The following SLC44A5 variants were observed in gnomAD, a reference collection of about 807,000 sequenced individuals.
The protein encoded by SLC44A5 is choline transporter-like protein 5.
SLC44A5 carries 57 observed loss-of-function variants against 101.8 expected under a neutral mutation model. The observed-to-expected ratio is 0.56, with a 90% confidence interval of 0.45 to 0.70. The LOEUF (loss-of-function observed/expected upper bound fraction) is 0.70, where lower values mean the gene tolerates loss of function less well. Ranked by LOEUF, SLC44A5 falls within the 30% of genes least tolerant of loss-of-function variation. The pLI is 0.00. For missense variants in SLC44A5, 737 were observed against 853.1 expected (o/e 0.86, Z 1.70); for synonymous variants, 281 against 290.9 (o/e 0.97, Z 0.35).
At chr1:75,488,651 G>A (rs1262643547) in intron 2 of SLC44A5, among the ~76,000 whole-genome samples, 1 of 151,984 alleles carries the variant, frequency 6.6e-6, no homozygotes, top group Non-Finnish European at 1.5e-5. Context: ...TTAATGTGTT[G>A]GCAGTAACTA....
At chr1:75,222,310 G>C in intron 14 of SLC44A5, 51 bp downstream of exon 14, 1 of 1,344,222 alleles carries the variant, frequency 7.4e-7, no homozygotes, top group Non-Finnish European at 1.1e-6. Flanking sequence ...GACAGTGACT[G>C]ATTTTACTGA....
chr1:75,471,286 C>A (rs1347925537), intron 2 of SLC44A5, among the ~76,000 whole-genome samples: 2 of 151,932 alleles, frequency 1.3e-5, no homozygotes, highest in African/African-American at 2.4e-5. Flanking sequence ...GGGAATTTTC[C>A]TGCGAGATGG....
intron 3 of SLC44A5, among the ~76,000 whole-genome samples, chr1:75,369,096 C>G (rs894736993): frequency 5.3e-5 from 8 of 152,030 alleles, no homozygotes; most frequent in African/African-American, 1.7e-4. Context: ...TCACTGCAGC[C>G]TCCAATTCCT....
chr1:75,662,396 G>C, the SLC44A5 span, among the ~76,000 whole-genome samples: 1 of 151,926 alleles, frequency 6.6e-6, no homozygotes, highest in African/African-American at 2.4e-5. Context: ...TGGATAATAG[G>C]TACAAAAGTA....
At chr1:75,520,586 G>T (rs1218415185) in intron 2 of SLC44A5, among the ~76,000 whole-genome samples, 1 of 152,142 alleles carries the variant, frequency 6.6e-6, no homozygotes, top group East Asian at 1.9e-4. Context: ...GAGGGGAAAG[G>T]TGGGTAAGAA....
chr1:75,261,654 C>A (rs1263891218), intron 6 of SLC44A5, among the ~76,000 whole-genome samples: 11 of 152,080 alleles, frequency 7.2e-5, no homozygotes, highest in Admixed American at 7.2e-4. Flanking sequence ...AGGGAATCCT[C>A]CCTAAATCAT....
intron 4 of SLC44A5, among the ~76,000 whole-genome samples, chr1:75,317,800 G>T (rs1655808738): frequency 6.6e-6 from 1 of 152,058 alleles, no homozygotes; most frequent in African/African-American, 2.4e-5. Context: ...CTAGCTCTCT[G>T]GTTTCTTCTT....
At chr1:75,373,595 T>A (rs1660370284) in intron 3 of SLC44A5, among the ~76,000 whole-genome samples, 1 of 152,176 alleles carries the variant, frequency 6.6e-6, no homozygotes, top group South Asian at 2.1e-4. Flanking sequence ...TGAGTGACTG[T>A]AGCTCCTGCT....
chr1:75,571,965 G>T (rs1257826508), intron 1 of SLC44A5, among the ~76,000 whole-genome samples: 1 of 152,136 alleles, frequency 6.6e-6, no homozygotes, highest in Non-Finnish European at 1.5e-5. Context: ...AAAACTAAGT[G>T]CTAGAAGACA....
At chr1:75,237,976 C>A (rs184673543) in intron 10 of SLC44A5, among the ~76,000 whole-genome samples, 198 of 151,934 alleles carry the variant, frequency 1.3e-3, no homozygotes, top group African/African-American at 4.5e-3. Context: ...ATATATTTTC[C>A]AGTAACATGG....
At chr1:75,675,511 G>A in the SLC44A5 span, among the ~76,000 whole-genome samples, 12 of 151,968 alleles carry the variant, frequency 7.9e-5, no homozygotes, top group African/African-American at 2.9e-4. Flanking sequence ...GAAGCTTTTG[G>A]ACTGAGACGA....
intron 5 of SLC44A5, among the ~76,000 whole-genome samples, chr1:75,295,748 T>G (rs1653912338): frequency 1.3e-5 from 2 of 152,086 alleles, no homozygotes; most frequent in South Asian, 4.1e-4. Context: ...GACTATGAAA[T>G]GTACTAAATG....
At chr1:75,216,461 G>C (rs1646964054) in intron 18 of SLC44A5, among the ~76,000 whole-genome samples, 1 of 151,728 alleles carries the variant, frequency 6.6e-6, no homozygotes, top group African/African-American at 2.4e-5. Flanking sequence ...TGTATATCTA[G>C]ATATAGGATT....
chr1:75,659,433 G>GAGGGAGGGAAGGAAAGA, the SLC44A5 span, among the ~76,000 whole-genome samples: 1 of 32,580 alleles, frequency 3.1e-5, no homozygotes, highest in Non-Finnish European at 6.1e-5. Context: ...GGGTGGGAGG[G>GAGGGAGGGAAGGAAAGA]AGGGAGGGAG....
At position 75,254,995 on chromosome 1, in the gene SLC44A5, A is replaced by G. The variant is rs191242429; in HGVS notation, c.261-3701T>C. 2.0e-3 allele frequency among the ~76,000 whole-genome samples: 311 copies of G among 152,300 alleles called. 1 individual carries two copies. The highest frequency in any genetic ancestry group is 0.018 in the South Asian group (85 of 4,828). Reference sequence around the variant, plus strand: ...TGCCATGCTGGGCCACGTGGAGCCCATGACCTGTGGGTTGCACAAGCTTGT... The same window carrying G: ...TGCCATGCTGGGCCACGTGGAGCCCGTGACCTGTGGGTTGCACAAGCTTGT... On this transcript the variant is annotated intron_variant, in intron 6 of 23. Transcript: ENST00000370859.
intron 16 of SLC44A5, 34 bp downstream of exon 16, chr1:75,219,222 TG>T: frequency 7.3e-7 from 1 of 1,363,992 alleles, no homozygotes; most frequent in Non-Finnish European, 1.0e-6. Context: ...AAGTCTATAT[TG>T]AAGTAAGTAA....
chr1:75,262,324 C>T (rs1289218968), intron 6 of SLC44A5, among the ~76,000 whole-genome samples: 1 of 152,180 alleles, frequency 6.6e-6, no homozygotes, highest in African/African-American at 2.4e-5. Context: ...AAAGCACAAG[C>T]ATTCCTATAC....
At chr1:75,529,965 C>T (rs211775) in intron 2 of SLC44A5, among the ~76,000 whole-genome samples, 34,569 of 151,952 alleles carry the variant, frequency 0.23, 4,230 homozygotes, top group Admixed American at 0.31. Context: ...GTTTATGCTC[C>T]AAAGTATCAA....
At chr1:75,650,139 G>A in the SLC44A5 span, among the ~76,000 whole-genome samples, 2 of 151,842 alleles carry the variant, frequency 1.3e-5, no homozygotes, top group Non-Finnish European at 2.9e-5. Context: ...GTGAAGTCTG[G>A]GCTATTAGTT....
Sources: gnomAD v4.1 joint callset for allele counts (sites outside exome capture counted in the v4.1 genomes callset) on GRCh38, gnomAD v4.1.1 for gene constraint, MANE v1.5 for transcripts, NCBI Gene and HGNC (gene_info 2026-07-23, HGNC 2026-07-21) for gene names.